TNKS: variants seen among roughly 807,000 people sequenced by gnomAD.
The protein encoded by TNKS is poly [ADP-ribose] polymerase tankyrase-1.
In TNKS, 72 loss-of-function variants were observed where a neutral mutation model predicts 135.8. The ratio of observed to expected loss-of-function variants is 0.53; its 90% CI spans 0.44 to 0.64. The LOEUF (loss-of-function observed/expected upper bound fraction) is 0.64, where lower values mean the gene tolerates loss of function less well. Among genes scored for constraint, TNKS ranks in the 30% least tolerant of loss-of-function variants. TNKS has a pLI of 0.00. For synonymous variants in TNKS, 849 were observed against 649.3 expected, an observed-to-expected ratio of 1.31 and a Z score of -4.68; for missense variants, 1,769 against 1,674.0, an observed-to-expected ratio of 1.06 and a Z score of -0.99.
intron 17 of TNKS, among the ~76,000 whole-genome samples, chr8:9,747,380 A>G (rs1204057805): frequency 1.4e-5 from 2 of 146,228 alleles, no homozygotes. Context: ...CTTCTTTTCC[A>G]TTTTTCTGTA....
rs893182360 is a variant in TNKS at position 9,637,567 on chromosome 8, T to C, written c.994+21890T>C. ...TTATGATGGGACATAAAAATGACTCTTGTTTTGAAGAAGTTATTAGAATGC... is the reference window on the plus strand; with the variant it reads ...TTATGATGGGACATAAAAATGACTCCTGTTTTGAAGAAGTTATTAGAATGC... On this transcript the variant is annotated intron_variant, in intron 3 of 26. Coordinates refer to ENST00000310430, the MANE Select transcript of TNKS (RefSeq NM_003747.3). Among the ~76,000 whole-genome samples the C allele has an allele frequency of 6.6e-4, 100 of 152,320 alleles. 2 individuals are homozygous for C. The highest frequency in any genetic ancestry group is 2.3e-3 in the African/African-American group (95 of 41,572).
At chr8:9,584,759 C>G (rs1363625435) in intron 2 of TNKS, among the ~76,000 whole-genome samples, 1 of 152,192 alleles carries the variant, frequency 6.6e-6, no homozygotes, top group Non-Finnish European at 1.5e-5. Flanking sequence ...CTCCATCTCT[C>G]CTTATTCTCT....
intron 2 of TNKS, among the ~76,000 whole-genome samples, chr8:9,594,497 G>T (rs1467681790): frequency 6.6e-6 from 1 of 152,138 alleles, no homozygotes; most frequent in East Asian, 1.9e-4. Flanking sequence ...AGAAATTTTT[G>T]TTATCACAGA....
At chr8:9,698,700 C>T (rs1368534314) in intron 5 of TNKS, among the ~76,000 whole-genome samples, 1 of 152,196 alleles carries the variant, frequency 6.6e-6, no homozygotes, top group Non-Finnish European at 1.5e-5. Context: ...CACAGCTTTG[C>T]AAAAGGCTTA....
intron 2 of TNKS, among the ~76,000 whole-genome samples, chr8:9,587,439 G>T (rs376511387): frequency 6.7e-6 from 1 of 148,346 alleles, no homozygotes; most frequent in Non-Finnish European, 1.5e-5. Flanking sequence ...TCGCTCTGTC[G>T]CCCAGGCTGG....
chr8:9,761,061 A>G (rs1337205817), intron 20 of TNKS, among the ~76,000 whole-genome samples: 1 of 152,126 alleles, frequency 6.6e-6, no homozygotes, highest in African/African-American at 2.4e-5. Flanking sequence ...ATCTTCATCT[A>G]AAAATTGCTT....
Position 9,751,096 on chromosome 8 carries a change from A to G in TNKS, c.2833-513A>G, listed in dbSNP as rs560555296. Among the ~76,000 whole-genome samples, 6 of 152,326 alleles carry G rather than the reference A, an allele frequency of 3.9e-5. No homozygotes were observed. The East Asian group carries it at 9.6e-4, about 24-fold the overall frequency. On this transcript the variant is annotated intron_variant, in intron 18 of 26. Coordinates refer to ENST00000310430, the MANE Select transcript of TNKS (RefSeq NM_003747.3). The stretch of plus-strand genomic sequence containing the variant: ...GGCAGAAATTCAAGGGGAGGCATAC[A>G]TGACGGGAGGAAGGAATTGATGGGT...
chr8:9,665,389 C>T (rs1476527644), intron 3 of TNKS, among the ~76,000 whole-genome samples: 8 of 152,202 alleles, frequency 5.3e-5, no homozygotes, highest in Admixed American at 4.6e-4. Context: ...CAGCAGTTGC[C>T]AGGGAGTCAT....
chr8:9,756,131 CATTTTTATGGTTAACCTATGT>C (rs963257293), intron 20 of TNKS, among the ~76,000 whole-genome samples: 2 of 152,116 alleles, frequency 1.3e-5, no homozygotes, highest in Admixed American at 6.5e-5. Flanking sequence ...TGCTTGTGGA[CATTTTTATGGTTAACCTATGT>C]ATTTTCATGG....
intron 3 of TNKS, among the ~76,000 whole-genome samples, chr8:9,662,848 A>G (rs1177046433): frequency 6.6e-6 from 1 of 152,252 alleles, no homozygotes; most frequent in Non-Finnish European, 1.5e-5. Flanking sequence ...TCTGCCATTT[A>G]CTAGTTGTGG....
chr8:9,674,868 T>A (rs1322127119), intron 3 of TNKS, among the ~76,000 whole-genome samples: 2 of 152,218 alleles, frequency 1.3e-5, no homozygotes. Flanking sequence ...AGTGTTTAGA[T>A]TGGCCATGAT....
At chr8:9,584,014 A>G (rs1286682123) in intron 2 of TNKS, among the ~76,000 whole-genome samples, 1 of 151,506 alleles carries the variant, frequency 6.6e-6, no homozygotes, top group Non-Finnish European at 1.5e-5. Flanking sequence ...AATACAAAAA[A>G]TTAGCCGGGC....
intron 5 of TNKS, among the ~76,000 whole-genome samples, chr8:9,682,622 T>G (rs1274064933): frequency 6.6e-6 from 1 of 152,124 alleles, no homozygotes; most frequent in Admixed American, 6.5e-5. Flanking sequence ...CTACTAGCTC[T>G]TCTTGTATTT....
rs1808248135 is a variant in TNKS, at chr8:9,776,852, G to C, written c.*116G>C. The C allele has an allele frequency of 1.0e-6, 1 of 966,516 alleles. No individual in the cohort carries two copies. Among genetic ancestry groups the C allele is most frequent in the African/African-American group, 1.6e-5 (1 of 61,378 alleles). The allele number at this position is 966,516 out of a possible 1,614,324, so 59.9% of individuals were successfully genotyped here. Reference sequence around the variant, plus strand: ...GTCCCTGACAGCCTAGAAATAAGCTGTTTGTCTTCTATAAAGCATTGCTAT... The same window carrying C: ...GTCCCTGACAGCCTAGAAATAAGCTCTTTGTCTTCTATAAAGCATTGCTAT... On this transcript the variant is annotated 3_prime_UTR_variant, in exon 27 of 27. Coordinates refer to ENST00000310430, the MANE Select transcript of TNKS (RefSeq NM_003747.3).
intron 25 of TNKS, among the ~76,000 whole-genome samples, chr8:9,768,894 TTGTCCTGGATC>T (rs1807626212): frequency 6.6e-6 from 1 of 152,284 alleles, no homozygotes; most frequent in South Asian, 2.1e-4. Context: ...TAAGACCCAG[TTGTCCTGGATC>T]CAGCACAAAT....
intron 15 of TNKS, 102 bp downstream of exon 15, chr8:9,733,546 G>T (rs1284947484): frequency 9.6e-6 from 9 of 940,392 alleles, no homozygotes; most frequent in Non-Finnish European, 1.4e-5. Context: ...GAACAATACT[G>T]CTGTAGAGAC....
intron 3 of TNKS, among the ~76,000 whole-genome samples, chr8:9,665,651 T>C (rs1381610741): frequency 6.6e-6 from 1 of 152,226 alleles, no homozygotes; most frequent in African/African-American, 2.4e-5. Flanking sequence ...TACATGTGAA[T>C]GAGGTAGCCT....
At chr8:9,583,843 A>T (rs541298687) in intron 2 of TNKS, among the ~76,000 whole-genome samples, 2 of 151,878 alleles carry the variant, frequency 1.3e-5, no homozygotes, top group African/African-American at 4.8e-5. Context: ...AGCAAATTAT[A>T]AGCATACTTT....
chr8:9,772,068 G>A (rs926523424), intron 26 of TNKS, among the ~76,000 whole-genome samples: 20 of 130,780 alleles, frequency 1.5e-4, no homozygotes, highest in Non-Finnish European at 3.0e-4. Context: ...GGATGGAGGG[G>A]GAGAGAGGGA....
Sources: gnomAD v4.1 joint callset for allele counts (sites outside exome capture counted in the v4.1 genomes callset) on GRCh38, gnomAD v4.1.1 for gene constraint, MANE v1.5 for transcripts, NCBI Gene and HGNC (gene_info 2026-07-23, HGNC 2026-07-21) for gene names.